The following ERMP1 variants were observed in gnomAD, a reference collection of about 807,000 sequenced individuals.
ERMP1 encodes the protein Felix-ina.
In ERMP1, 86 loss-of-function variants were observed where a neutral mutation model predicts 92.0. That is an observed-to-expected ratio of 0.93 (90% CI 0.79 to 1.12). The LOEUF is 1.12. Among genes scored for constraint, ERMP1 ranks in the 50% most tolerant of loss-of-function variants. The pLI, the probability that ERMP1 is intolerant of heterozygous loss-of-function variation, is 0.00. For missense variants in ERMP1, 1,342 were observed against 1,116.3 expected (o/e 1.20, Z -2.88); for synonymous variants, 530 against 412.8 (o/e 1.28, Z -3.44).
intron 13 of ERMP1, among the ~76,000 whole-genome samples, chr9:5,795,148 A>T (rs1157953557): frequency 6.6e-6 from 1 of 152,202 alleles, no homozygotes; most frequent in Non-Finnish European, 1.5e-5. Flanking sequence ...GAAAAATCAC[A>T]TGCCCATATC....
chr9:5,828,473 C>T, intron 2 of ERMP1, among the ~76,000 whole-genome samples: 1 of 152,192 alleles, frequency 6.6e-6, no homozygotes, highest in Non-Finnish European at 1.5e-5. Flanking sequence ...CTGGCAACAG[C>T]ACAAAAGGAA....
intron 8 of ERMP1, 36 bp from the exon 9 acceptor site, chr9:5,805,821 A>C (rs1185318922): frequency 6.6e-7 from 1 of 1,508,500 alleles, no homozygotes; most frequent in Non-Finnish European, 8.9e-7. Context: ...AGTCTCATTC[A>C]GGGGTCATGC....
intron 2 of ERMP1, 80 bp downstream of exon 2, chr9:5,830,647 T>C: frequency 4.4e-6 from 5 of 1,147,826 alleles, no homozygotes; most frequent in Non-Finnish European, 6.2e-6. Context: ...GTCCCCACAA[T>C]TGCCCAAGTA....
chr9:5,843,221 A>T (rs1830187454), intron 6 of ERMP1, among the ~76,000 whole-genome samples: 1 of 152,234 alleles, frequency 6.6e-6, no homozygotes, highest in Admixed American at 6.5e-5. Flanking sequence ...GCTCCACCTA[A>T]ATCAGTAACA....
intron 10 of ERMP1, among the ~76,000 whole-genome samples, chr9:5,804,082 T>C (rs745908152): frequency 4.6e-5 from 7 of 152,196 alleles, no homozygotes; most frequent in Non-Finnish European, 8.8e-5. Context: ...ACGAATGCCC[T>C]TTACTATATC....
chr9:5,824,979 T>C (rs1054556844), intron 3 of ERMP1, 113 bp downstream of exon 3: 5 of 1,014,240 alleles, frequency 4.9e-6, no homozygotes, highest in African/African-American at 3.3e-5. Flanking sequence ...TATTATTTTA[T>C]ACTACCCACA....
At position 5,787,167 on chromosome 9, in the gene ERMP1, T is replaced by C. The variant is rs148691186; in HGVS notation, c.2692A>G (p.Thr898Ala). Residue 898 changes from threonine (T) to alanine (A), a missense_variant, in exon 15 of 15, where the codon ACC (threonine) becomes GCC (alanine). Coordinates refer to ENST00000339450, the MANE Select transcript of ERMP1 (RefSeq NM_024896.3). ...DWTFPSAWVCTYDLFVF is the reference protein window; with the variant it reads ...DWTFPSAWVCAYDLFVF ...GATTAAAATACAAAGAGATCGTAGG[T>C]GCACACCCAGGCAGAGGGAAATGTC... 4.3e-6 allele frequency: 7 copies of C among 1,613,838 alleles called. No homozygotes were observed. Among genetic ancestry groups the C allele is most frequent in the Non-Finnish European group, 5.9e-6 (7 of 1,179,866 alleles).
At chr9:5,836,426 G>C (rs891591734), upstream of ERMP1, among the ~76,000 whole-genome samples, 1 of 152,174 alleles carries the variant, frequency 6.6e-6, no homozygotes, top group East Asian at 1.9e-4. Flanking sequence ...GCCCAAACCA[G>C]TTGCAGAAAA....
intron 6 of ERMP1, among the ~76,000 whole-genome samples, chr9:5,858,387 G>C (rs1329946451): frequency 6.6e-6 from 1 of 152,192 alleles, no homozygotes; most frequent in East Asian, 1.9e-4. Flanking sequence ...ACCCTACGAG[G>C]ACAAGCAAGA....
intron 6 of ERMP1, among the ~76,000 whole-genome samples, chr9:5,848,537 G>A (rs1461947074): frequency 1.3e-5 from 2 of 152,170 alleles, no homozygotes; most frequent in Non-Finnish European, 2.9e-5. Context: ...TACAAGGAGT[G>A]GCAGAAAGAA....
chr9:5,788,719 C>G (rs994264562), intron 13 of ERMP1, among the ~76,000 whole-genome samples: 1 of 151,922 alleles, frequency 6.6e-6, no homozygotes, highest in Non-Finnish European at 1.5e-5. Flanking sequence ...AAGAAATAAC[C>G]ATGAAGCAGG....
chr9:5,837,929 C>A (rs1041839173), upstream of ERMP1, among the ~76,000 whole-genome samples: 1 of 151,926 alleles, frequency 6.6e-6, no homozygotes, highest in Non-Finnish European at 1.5e-5. Context: ...ATGGTAAAAC[C>A]CCATCTCTAC....
intron 6 of ERMP1, among the ~76,000 whole-genome samples, chr9:5,849,527 C>A (rs554902244): frequency 4.3e-4 from 66 of 152,294 alleles, no homozygotes; most frequent in African/African-American, 1.5e-3. Flanking sequence ...CTTCCCACAC[C>A]ACTTGGTGTG....
chr9:5,794,221 A>G, intron 13 of ERMP1, among the ~76,000 whole-genome samples: 1 of 152,142 alleles, frequency 6.6e-6, no homozygotes, highest in Non-Finnish European at 1.5e-5. Flanking sequence ...TCAAGAAAAA[A>G]TTTTTAAATA....
intron 6 of ERMP1, among the ~76,000 whole-genome samples, chr9:5,854,063 G>A (rs1830342504): frequency 6.6e-6 from 1 of 151,954 alleles, no homozygotes; most frequent in African/African-American, 2.4e-5. Context: ...TTTAACAAAG[G>A]GGGATAAATT....
At chr9:5,834,668 G>A (rs1185322674), upstream of ERMP1, among the ~76,000 whole-genome samples, 3 of 151,232 alleles carry the variant, frequency 2.0e-5, no homozygotes, top group Non-Finnish European at 4.4e-5. Flanking sequence ...CTGGATAAGA[G>A]CCTAGCCCAT....
intron 4 of ERMP1, among the ~76,000 whole-genome samples, chr9:5,814,811 C>T (rs1053118576): frequency 2.0e-5 from 3 of 152,116 alleles, no homozygotes; most frequent in Non-Finnish European, 2.9e-5. Context: ...AATCCAGATA[C>T]TGGAGTTACC....
At chr9:5,799,655 C>G (rs1168534179) in intron 11 of ERMP1, among the ~76,000 whole-genome samples, 1 of 152,204 alleles carries the variant, frequency 6.6e-6, no homozygotes, top group East Asian at 1.9e-4. Context: ...TTTGGGTATA[C>G]TCTGTTGCTG....
chr9:5,840,500 T>C lies in ERMP1; in HGVS notation n.3200-7188A>G, dbSNP rs1025724808. Among the ~76,000 whole-genome samples the C allele has an allele frequency of 5.9e-5, 9 of 152,188 alleles. No homozygotes were observed. The South Asian group carries it at 1.7e-3, about 28-fold the overall frequency. On this transcript the variant is annotated intron_variant and non_coding_transcript_variant, in intron 6 of 6. Coordinates refer to the ERMP1 transcript ENST00000690753. ...GAATGTCAGGTCTGCACTGCCATCT[T>C]CTCCCTCCCTACCCATGCCCACTGC...
Sources: gnomAD v4.1 joint callset for allele counts (sites outside exome capture counted in the v4.1 genomes callset) on GRCh38, gnomAD v4.1.1 for gene constraint, MANE v1.5 for transcripts, NCBI Gene and HGNC (gene_info 2026-07-23, HGNC 2026-07-21) for gene names.